Variants in NRAP observed in about 807,000 individuals in gnomAD.
The protein encoded by NRAP is nebulin related anchoring protein, also known as nebulin-related-anchoring protein.
NRAP carries 189 observed loss-of-function variants against 225.9 expected under a neutral mutation model. The observed-to-expected ratio is 0.84, with a 90% confidence interval of 0.74 to 0.94. The LOEUF (loss-of-function observed/expected upper bound fraction) is 0.94. NRAP is among the 40% of genes least tolerant of loss of function. The pLI, the probability that NRAP is intolerant of heterozygous loss-of-function variation, is 0.00. For synonymous variants in NRAP, 769 were observed against 790.7 expected, an observed-to-expected ratio of 0.97 and a Z score of 0.46; for missense variants, 2,176 against 2,168.7, an observed-to-expected ratio of 1.00 and a Z score of -0.07.
At chr10:113,589,533 T>C in intron 41 of NRAP, 133 bp downstream of exon 41, 1 of 1,088,906 alleles carries the variant, frequency 9.2e-7, no homozygotes, top group Non-Finnish European at 1.3e-6. Context: ...TTAGGCGCCT[T>C]GTTTGAGCTG....
Position 113,633,099 on chromosome 10 carries a change from G to A in NRAP, c.1617C>T (p.Ala539=). The A allele has an allele frequency of 6.3e-7, 1 of 1,576,244 alleles. No individual in the cohort carries two copies. Among genetic ancestry groups the A allele is most frequent in the South Asian group, 1.1e-5 (1 of 90,348 alleles). Residue 539 remains alanine, a synonymous_variant, in exon 16 of 42, where the codon GCC becomes GCT. Coordinates refer to ENST00000359988, the MANE Select transcript of NRAP (RefSeq NM_198060.4). ...GCTCTCTTACCTCACTGAAGAGTTT[G>A]GCATTGGTTTTGGCCTTCACCAGCT... ...VPQLVKAKTN[A]KLFSEVKYKE...
At chr10:113,617,784 C>G (rs528460168) in intron 25 of NRAP, among the ~76,000 whole-genome samples, 2 of 152,124 alleles carry the variant, frequency 1.3e-5, no homozygotes, top group Non-Finnish European at 2.9e-5. Flanking sequence ...AAGAAAACAT[C>G]TCAAAATTAG....
chr10:113,629,888 G>T, intron 18 of NRAP, 103 bp from the exon 19 acceptor site: 1 of 761,194 alleles, frequency 1.3e-6, no homozygotes, highest in East Asian at 2.6e-5. Context: ...GGGAGCAGGA[G>T]AATCGGCACT....
intron 13 of NRAP, among the ~76,000 whole-genome samples, chr10:113,640,953 G>C (rs1849167756): frequency 6.6e-6 from 1 of 152,018 alleles, no homozygotes. Context: ...TGAATACAAT[G>C]ATCAAAAAAA....
At chr10:113,660,407 G>T (rs10885492) in intron 3 of NRAP, among the ~76,000 whole-genome samples, 15,910 of 151,866 alleles carry the variant, frequency 0.1, 1,039 homozygotes, top group Non-Finnish European at 0.14. Flanking sequence ...ACACATATAC[G>T]CTGTCACATA....
intron 41 of NRAP, 113 bp downstream of exon 41, chr10:113,589,553 C>CTTCT (rs1845817990): frequency 2.3e-6 from 3 of 1,324,974 alleles, no homozygotes; most frequent in South Asian, 2.8e-5. Flanking sequence ...GCGTTTCACA[C>CTTCT]TTCTTTAGAG....
Position 113,626,692 on chromosome 10 carries a change from T to C in NRAP, c.2146-547A>G, listed in dbSNP as rs566590791. Among the ~76,000 whole-genome samples, 89 of 152,302 alleles carry C rather than the reference T, an allele frequency of 5.8e-4. No homozygotes were observed. The South Asian group carries it at 0.016, about 28-fold the overall frequency. The stretch of plus-strand genomic sequence containing the variant: ...TGTTAGGACATAGCCATTGTCATGG[T>C]GTTATCACAATTGTCCAGAAAGCAG... On this transcript the variant is annotated intron_variant, in intron 20 of 41. Transcript: ENST00000359988.
intron 4 of NRAP, 56 bp downstream of exon 4, chr10:113,657,414 T>G (rs1365564135): frequency 5.7e-6 from 5 of 883,648 alleles, no homozygotes; most frequent in African/African-American, 1.7e-5. Flanking sequence ...ATACACTCAA[T>G]TGACATAGTA....
chr10:113,641,098 C>T (rs1849175066), intron 13 of NRAP, among the ~76,000 whole-genome samples: 1 of 152,162 alleles, frequency 6.6e-6, no homozygotes, highest in Admixed American at 6.5e-5. Flanking sequence ...AAAGTGTTAA[C>T]CACACTGGAT....
At chr10:113,636,054 CA>C (rs1366647882) in intron 14 of NRAP, among the ~76,000 whole-genome samples, 2 of 152,252 alleles carry the variant, frequency 1.3e-5, no homozygotes, top group Non-Finnish European at 2.9e-5. Context: ...CGGCTTGGCT[CA>C]AAGCGACAGG....
intron 5 of NRAP, among the ~76,000 whole-genome samples, chr10:113,653,658 T>C (rs568405666): frequency 2.6e-5 from 4 of 152,330 alleles, no homozygotes; most frequent in Middle Eastern, 6.8e-3. Flanking sequence ...GGGCTAAAAC[T>C]GTCTTCCCTA....
chr10:113,654,803 A>G (rs917275551), intron 4 of NRAP, among the ~76,000 whole-genome samples: 2 of 152,218 alleles, frequency 1.3e-5, no homozygotes, highest in Non-Finnish European at 2.9e-5. Flanking sequence ...CCATGAAGGC[A>G]GGGATTTTCA....
chr10:113,629,859 G>A (rs1848486531), intron 18 of NRAP, 74 bp from the exon 19 acceptor site: 2 of 1,081,712 alleles, frequency 1.8e-6, no homozygotes, highest in East Asian at 2.4e-5. Context: ...GAAAATGCAG[G>A]AAAGATTTCC....
rs370552521 is a variant in NRAP, at chr10:113,654,111, A to T, written c.375T>A (p.Thr125=). Residue 125 remains threonine (T), a synonymous_variant, in exon 5 of 42, where the codon ACT becomes ACA. Coordinates refer to ENST00000359988, the MANE Select transcript of NRAP (RefSeq NM_198060.4). ...ACCAAGCATTCCCTTCCCCATATCC[A>T]GTCCAATAGGCTCTCTACAAAGGAA... The part of the protein sequence containing the change: ...QPLANERAYW[T]GYGEGNAWCP... The T allele has an allele frequency of 2.5e-6, 4 of 1,610,124 alleles. No homozygotes were observed. Among genetic ancestry groups the T allele is most frequent in the Non-Finnish European group, 3.4e-6 (4 of 1,176,422 alleles).
intron 26 of NRAP, 72 bp downstream of exon 26, chr10:113,617,383 C>A (rs1037547894): frequency 2.1e-6 from 2 of 951,068 alleles, no homozygotes; most frequent in Middle Eastern, 4.2e-4. Flanking sequence ...CCCAAGAACC[C>A]CTCCGCTTCA....
At chr10:113,663,555 T>A (rs1010787445) in intron 1 of NRAP, 109 bp from the exon 2 acceptor site, 43 of 726,016 alleles carry the variant, frequency 5.9e-5, no homozygotes, top group African/African-American at 8.9e-5. Context: ...ATGCTGATTT[T>A]AAAAAAATTA....
At chr10:113,657,630 A>T in intron 3 of NRAP, 56 bp from the exon 4 acceptor site, 1 of 1,043,640 alleles carries the variant, frequency 9.6e-7, no homozygotes, top group Non-Finnish European at 1.5e-6. Flanking sequence ...AAAAAAACAT[A>T]GACAAACAAT....
chr10:113,633,296 G>C (rs1564738704), intron 15 of NRAP, 108 bp from the exon 16 acceptor site: 4 of 654,868 alleles, frequency 6.1e-6, no homozygotes, highest in Non-Finnish European at 1.1e-5. Context: ...GGAGTTTCCA[G>C]AAAAGGCATT....
rs547965078 is a variant in NRAP, at chr10:113,645,335, T to C, written c.1110+490A>G. On this transcript the variant is annotated intron_variant, in intron 11 of 41. Transcript: ENST00000359988. ...ATGTAATTGGTTTGATTCTAGGCTGTCTTGTAAATTGCATTTTACCGCATA... is the reference window on the plus strand; with the variant it reads ...ATGTAATTGGTTTGATTCTAGGCTGCCTTGTAAATTGCATTTTACCGCATA... Among the ~76,000 whole-genome samples, 12 of 152,348 alleles carry C rather than the reference T, an allele frequency of 7.9e-5. No homozygotes were observed. The East Asian group carries it at 2.1e-3, about 27-fold the overall frequency.
Sources: allele counts gnomAD v4.1 joint callset (sites outside exome capture counted in the v4.1 genomes callset), GRCh38; gene constraint gnomAD v4.1.1; transcripts MANE v1.5; gene names NCBI Gene and HGNC (gene_info 2026-07-23, HGNC 2026-07-21).